ZFPM1: variants seen among roughly 807,000 people sequenced by gnomAD.
The protein encoded by ZFPM1 is zinc finger protein ZFPM1.
In ZFPM1, 28 loss-of-function variants were observed where a neutral mutation model predicts 46.3. The observed-to-expected ratio is 0.60, with a 90% confidence interval of 0.45 to 0.83. The LOEUF (loss-of-function observed/expected upper bound fraction) is 0.83, where lower values mean the gene tolerates loss of function less well. ZFPM1 is among the 40% of genes least tolerant of loss of function. ZFPM1 has a pLI of 0.00. For synonymous variants in ZFPM1, 957 were observed against 675.9 expected, an observed-to-expected ratio of 1.42 and a Z score of -6.45; for missense variants, 1,878 against 1,432.4, an observed-to-expected ratio of 1.31 and a Z score of -5.02.
chr16:88,495,918 C>T (rs572623639), intron 3 of ZFPM1, among the ~76,000 whole-genome samples: 4 of 152,096 alleles, frequency 2.6e-5, no homozygotes, highest in African/African-American at 9.7e-5. Context: ...CACAGGGGTC[C>T]GCCTGTGAGG....
At position 88,534,211 on chromosome 16, in the gene ZFPM1, G is replaced by T; in HGVS notation, c.2253G>T (p.Ala751=). ...GCCGCAAGCTCTACGAGCTGCACGC[G>T]GCCGGCGCCCCGCCCCCCCCGCCGC... ...RRRRKLYELH[A]AGAPPPPPPG... is the part of the protein sequence containing the mutation. Residue 751 remains alanine, a synonymous_variant, in exon 10 of 10, where the codon GCG becomes GCT. Transcript: ENST00000319555. 8 of 980,682 alleles carry T rather than the reference G, an allele frequency of 8.2e-6. No individual in the cohort carries two copies. Among genetic ancestry groups the T allele is most frequent in the Non-Finnish European group, 8.4e-6 (7 of 829,626 alleles). The allele number at this position is 980,682 out of a possible 1,614,324, so 60.7% of individuals were successfully genotyped here.
intron 6 of ZFPM1, among the ~76,000 whole-genome samples, chr16:88,529,357 G>C (rs555684304): frequency 3.3e-5 from 5 of 152,218 alleles, no homozygotes; most frequent in Non-Finnish European, 5.9e-5. Flanking sequence ...GAAGAAAAGC[G>C]ACCTTTGTGA....
chr16:88,528,295 G>C, intron 6 of ZFPM1, 57 bp downstream of exon 6: 2 of 1,504,250 alleles, frequency 1.3e-6, no homozygotes, highest in African/African-American at 1.4e-5. Flanking sequence ...GGAGCAGGCA[G>C]GGCAGGAGAG....
chr16:88,453,618 A>G lies in ZFPM1; in HGVS notation c.-21A>G, dbSNP rs2142330315. The G allele has an allele frequency of 9.1e-7, 1 of 1,101,108 alleles. No homozygotes were observed. 68.2% of individuals were successfully genotyped at this position (1,101,108 alleles called of 1,614,324 possible). A position where few individuals can be genotyped will look rare whatever the true frequency, so the allele number is the denominator to read the frequency against. On this transcript the variant is annotated 5_prime_UTR_variant, in exon 1 of 10. Transcript: ENST00000319555. The stretch of plus-strand genomic sequence containing the variant: ...CCCGGGGCTAGAGGCGGCCGCCGGG[A>G]GGGCGCGCGGCGCCGGAGACATGTC...
chr16:88,505,402 T>TC (rs1910593402), intron 3 of ZFPM1, among the ~76,000 whole-genome samples: 1 of 152,172 alleles, frequency 6.6e-6, no homozygotes, highest in South Asian at 2.1e-4. Flanking sequence ...GTCCACGGTG[T>TC]CCCAGTGCCT....
At chr16:88,516,741 G>C (rs1911323684) in intron 4 of ZFPM1, 2 of 395,826 alleles carry the variant, frequency 5.1e-6, no homozygotes, top group South Asian at 2.8e-4. Context: ...TCCCTGAGGA[G>C]GACGTTGCCT....
At chr16:88,488,543 C>A (rs959332493) in intron 2 of ZFPM1, among the ~76,000 whole-genome samples, 1 of 150,354 alleles carries the variant, frequency 6.7e-6, no homozygotes, top group Non-Finnish European at 1.5e-5. Context: ...GCCCTTATCG[C>A]GGGTATTAAT....
At chr16:88,490,170 C>T (rs547405310) in intron 3 of ZFPM1, among the ~76,000 whole-genome samples, 1 of 152,210 alleles carries the variant, frequency 6.6e-6, no homozygotes, top group East Asian at 1.9e-4. Context: ...TCTCCTGCCT[C>T]AGCCTCCCGA....
chr16:88,485,515 C>T (rs34172030), intron 1 of ZFPM1, among the ~76,000 whole-genome samples: 10,424 of 151,474 alleles, frequency 0.069, 425 homozygotes, highest in African/African-American at 0.11. Context: ...TCGCGGCTCA[C>T]TGCAGCCTCC....
rs535185501 is a variant in ZFPM1 at position 88,533,625 on chromosome 16, AGGGCGC to A, written c.1680_1685del (p.Ala562_Gly563del). 3.2e-4 allele frequency: 477 copies of A among 1,467,760 alleles called. 1 individual carries two copies. In the African/African-American group the frequency reaches 4.3e-3, roughly 13 times the overall value. 90.9% of individuals were successfully genotyped at this position (1,467,760 alleles called of 1,614,324 possible). On this transcript the variant is annotated inframe_deletion, in exon 10 of 10. Transcript: ENST00000319555. ...GAGCTGGTGCACAGCCGGCTGCAGC[AGGGCGC>A]GGGCGCGGGCGCCGGCGGCGCGCAG...
intron 4 of ZFPM1, among the ~76,000 whole-genome samples, chr16:88,517,184 G>GGGTA (rs1911360070): frequency 1.6e-4 from 2 of 12,694 alleles, no homozygotes; most frequent in Admixed American, 2.3e-3. Context: ...ATGGGTAGAT[G>GGGTA]GATGGATGGA....
At position 88,497,221 on chromosome 16, in the gene ZFPM1, G is replaced by A. The variant is rs1267558028; in HGVS notation, c.268+8068G>A. ...AGTAGAAGGGATGCCCGAGTGTCAG[G>A]CTGGGTGTGAGAGATGGGAGGGGCG... On this transcript the variant is annotated intron_variant, in intron 3 of 9. Coordinates refer to ENST00000319555, the MANE Select transcript of ZFPM1 (RefSeq NM_153813.3). The surrounding 1 kb of genome is among the most constrained non-coding windows in gnomAD (Gnocchi z 5.4). Among the ~76,000 whole-genome samples, 2 of 152,214 alleles carry A rather than the reference G, an allele frequency of 1.3e-5. No individual in the cohort carries two copies. Among genetic ancestry groups the A allele is most frequent in the African/African-American group, 4.8e-5 (2 of 41,448 alleles).
At chr16:88,486,149 A>T in intron 2 of ZFPM1, 106 bp downstream of exon 2, 2 of 1,182,170 alleles carry the variant, frequency 1.7e-6, no homozygotes, top group African/African-American at 1.5e-5. Flanking sequence ...TGGGCCAACT[A>T]TATGCAGGAG....
Position 88,534,268 on chromosome 16 carries a change from G to GCCCGGA in ZFPM1, c.2311_2316dup (p.Pro771_Gly772dup). On this transcript the variant is annotated inframe_insertion, in exon 10 of 10. Transcript: ENST00000319555. The stretch of plus-strand genomic sequence containing the variant: ...ACGCCCCCGCGCCCGAGTCGCCGCG[G>GCCCGGA]CCCGGAAGCGGAAGCGGAAGCGGCC... 9.0e-7 allele frequency: 1 copy of GCCCGGA among 1,114,420 alleles called. No individual in the cohort carries two copies. The highest frequency in any genetic ancestry group is 1.1e-6 in the Non-Finnish European group (1 of 917,262). 69.0% of individuals were successfully genotyped at this position (1,114,420 alleles called of 1,614,324 possible). A position where few individuals can be genotyped will look rare whatever the true frequency, so the allele number is the denominator to read the frequency against.
intron 1 of ZFPM1, among the ~76,000 whole-genome samples, chr16:88,477,623 G>A (rs1177750161): frequency 1.3e-5 from 2 of 152,156 alleles, no homozygotes; most frequent in Admixed American, 6.5e-5. Context: ...TGAGTCTAGG[G>A]GTTTGAGGAT....
chr16:88,458,105 C>G (rs377044371), intron 1 of ZFPM1, among the ~76,000 whole-genome samples: 18 of 152,232 alleles, frequency 1.2e-4, no homozygotes, highest in African/African-American at 4.3e-4. Context: ...AGAGAAGTTT[C>G]TCGCCCAAGC....
In ZFPM1 at chr16:88,471,935, C is replaced by T. The variant is rs114558673; in HGVS notation, c.41-14004C>T. On this transcript the variant is annotated intron_variant, in intron 1 of 9. Transcript: ENST00000319555. The surrounding 1 kb of genome is among the most constrained non-coding windows in gnomAD (Gnocchi z 4.1). Reference sequence around the variant, plus strand: ...AGGTCCGCAAGAGCCTTGGGTGGGCCGGGGCAGGGGCCGTGTGGTCTGCAG... The same window carrying T: ...AGGTCCGCAAGAGCCTTGGGTGGGCTGGGGCAGGGGCCGTGTGGTCTGCAG... 0.011 allele frequency among the ~76,000 whole-genome samples: 1,617 copies of T among 152,300 alleles called. 30 individuals carry two copies. Among genetic ancestry groups the T allele is most frequent in the African/African-American group, 0.038 (1,570 of 41,576 alleles).
intron 5 of ZFPM1, 29 bp downstream of exon 5, chr16:88,526,945 A>G: frequency 6.5e-7 from 1 of 1,540,330 alleles, no homozygotes; most frequent in Admixed American, 2.0e-5. Context: ...CTCCGTCCCA[A>G]GCCTTCCGGA....
intron 1 of ZFPM1, among the ~76,000 whole-genome samples, chr16:88,478,676 C>A (rs1908792465): frequency 6.6e-6 from 1 of 152,126 alleles, no homozygotes; most frequent in Admixed American, 6.5e-5. Flanking sequence ...GAGGCCTGGA[C>A]CATGGGGGAC....
Sources: allele counts gnomAD v4.1 joint callset (sites outside exome capture counted in the v4.1 genomes callset), GRCh38; gene constraint gnomAD v4.1.1; non-coding constraint Gnocchi (gnomAD v3.1); transcripts MANE v1.5; gene names NCBI Gene and HGNC (gene_info 2026-07-23, HGNC 2026-07-21).